Variants in LINGO2 observed in about 807,000 individuals in gnomAD.
LINGO2 encodes leucine rich repeat and Ig domain containing 2.
Under a neutral mutation model 30.6 loss-of-function variants are expected in LINGO2, and 14 were observed. That is an observed-to-expected ratio of 0.46 (90% CI 0.30 to 0.72). The LOEUF (loss-of-function observed/expected upper bound fraction) is 0.72. LINGO2 is among the 30% of genes least tolerant of loss of function. LINGO2 has a pLI of 0.07. For synonymous variants in LINGO2, 317 were observed against 288.5 expected, an observed-to-expected ratio of 1.10 and a Z score of -1.00; for missense variants, 729 against 751.7, an observed-to-expected ratio of 0.97 and a Z score of 0.35.
At chr9:29,130,472 G>A in the LINGO2 span, among the ~76,000 whole-genome samples, 2 of 152,016 alleles carry the variant, frequency 1.3e-5, no homozygotes, top group Non-Finnish European at 1.5e-5. Context: ...TCTAAAACAG[G>A]CATTAGCAAA....
intron 1 of LINGO2, among the ~76,000 whole-genome samples, chr9:28,593,661 C>A (rs1010039397): frequency 2.6e-5 from 4 of 151,972 alleles, no homozygotes; most frequent in Non-Finnish European, 5.9e-5. Context: ...GTATTTTAAT[C>A]AAAAATCAAA....
chr9:29,198,074 G>T, the LINGO2 span, among the ~76,000 whole-genome samples: 1 of 152,030 alleles, frequency 6.6e-6, no homozygotes, highest in African/African-American at 2.4e-5. Flanking sequence ...TGCAGTAGTA[G>T]GCAAATGTAT....
intron 1 of LINGO2, among the ~76,000 whole-genome samples, chr9:28,490,002 A>G (rs1393056513): frequency 6.6e-6 from 1 of 152,070 alleles, no homozygotes; most frequent in African/African-American, 2.4e-5. Flanking sequence ...ATATTTATAT[A>G]ATCTTTTATA....
At chr9:28,416,211 C>T (rs2134848140) in intron 2 of LINGO2, among the ~76,000 whole-genome samples, 1 of 152,188 alleles carries the variant, frequency 6.6e-6, no homozygotes, top group South Asian at 2.1e-4. Context: ...GAAAATTATA[C>T]TCTTTTCATA....
chr9:28,440,405 G>A (rs1824145371), intron 2 of LINGO2, among the ~76,000 whole-genome samples: 1 of 152,144 alleles, frequency 6.6e-6, no homozygotes, highest in Non-Finnish European at 1.5e-5. Context: ...CCGGAAAAAT[G>A]TCTTTTAGCT....
intron 5 of LINGO2, among the ~76,000 whole-genome samples, chr9:28,003,388 G>GAT (rs757911016): frequency 7.1e-6 from 1 of 140,590 alleles, no homozygotes; most frequent in Admixed American, 7.1e-5. Context: ...GATAGATATA[G>GAT]AGAGAGAGAG....
intron 4 of LINGO2, among the ~76,000 whole-genome samples, chr9:28,216,883 G>T (rs1462402005): frequency 6.6e-6 from 1 of 151,694 alleles, no homozygotes; most frequent in African/African-American, 2.4e-5. Flanking sequence ...AAGATATCGG[G>T]TGATATTCAG....
At chr9:28,771,459 G>A in the LINGO2 span, among the ~76,000 whole-genome samples, 6 of 57,042 alleles carry the variant, frequency 1.1e-4, no homozygotes, top group South Asian at 2.5e-3. Flanking sequence ...TTTGGTGTGT[G>A]TGTGTGTGTG....
At chr9:28,936,870 A>T in the LINGO2 span, among the ~76,000 whole-genome samples, 1 of 152,158 alleles carries the variant, frequency 6.6e-6, no homozygotes, top group African/African-American at 2.4e-5. Flanking sequence ...TGGAGGCTGT[A>T]AGTCCAACAT....
chr9:28,297,602 T>C (rs1476041045), intron 3 of LINGO2, among the ~76,000 whole-genome samples: 1 of 152,188 alleles, frequency 6.6e-6, no homozygotes, highest in Non-Finnish European at 1.5e-5. Context: ...GGGAAATTCA[T>C]GAGGTTTGTC....
chr9:28,988,742 C>A, the LINGO2 span, among the ~76,000 whole-genome samples: 2 of 152,292 alleles, frequency 1.3e-5, no homozygotes, highest in African/African-American at 4.8e-5. Flanking sequence ...CTGTAGAAAC[C>A]ATGAGCCCAG....
At chr9:28,741,874 C>T in the LINGO2 span, among the ~76,000 whole-genome samples, 1 of 151,786 alleles carries the variant, frequency 6.6e-6, no homozygotes, top group African/African-American at 2.4e-5. Flanking sequence ...TAGTTTGAAG[C>T]CTGGGGCCTT....
chr9:28,506,252 G>T (rs1197596887), intron 1 of LINGO2, among the ~76,000 whole-genome samples: 1 of 151,014 alleles, frequency 6.6e-6, no homozygotes, highest in Non-Finnish European at 1.5e-5. Context: ...ATAACTTGGA[G>T]GCTCAAGTTC....
the LINGO2 span, among the ~76,000 whole-genome samples, chr9:29,119,427 G>T: frequency 2.0e-5 from 3 of 151,322 alleles, no homozygotes; most frequent in African/African-American, 7.3e-5. Context: ...CTGAGAAATT[G>T]CTGGAAAAAA....
chr9:28,751,419 C>T, the LINGO2 span, among the ~76,000 whole-genome samples: 1 of 151,580 alleles, frequency 6.6e-6, no homozygotes, highest in South Asian at 2.1e-4. Context: ...GCTAGGTTTG[C>T]ATTGAAACTA....
chr9:28,233,756 A>G (rs562916907), intron 4 of LINGO2, among the ~76,000 whole-genome samples: 1 of 152,102 alleles, frequency 6.6e-6, no homozygotes, highest in Non-Finnish European at 1.5e-5. Flanking sequence ...TTCAGCCACA[A>G]TAGGATAGGC....
the LINGO2 span, among the ~76,000 whole-genome samples, chr9:29,075,612 A>C: frequency 6.6e-6 from 1 of 152,094 alleles, no homozygotes; most frequent in Non-Finnish European, 1.5e-5. Context: ...TACTCATCTC[A>C]TTGGCAAAAT....
chr9:28,904,219 C>T, the LINGO2 span, among the ~76,000 whole-genome samples: 4 of 150,208 alleles, frequency 2.7e-5, no homozygotes, highest in Non-Finnish European at 5.9e-5. Flanking sequence ...TGCACCTCAA[C>T]ACAATAAAAG....
At chr9:28,885,037 A>G in the LINGO2 span, among the ~76,000 whole-genome samples, 3 of 97,996 alleles carry the variant, frequency 3.1e-5, no homozygotes, top group African/African-American at 1.1e-4. Flanking sequence ...TAAAGAAATA[A>G]CTTTAATGCA....
Sources: allele counts gnomAD v4.1 joint callset (sites outside exome capture counted in the v4.1 genomes callset), GRCh38; gene constraint gnomAD v4.1.1; transcripts MANE v1.5; gene names NCBI Gene and HGNC (gene_info 2026-07-23, HGNC 2026-07-21).